LRRFIP1: variants seen among roughly 807,000 people sequenced by gnomAD.
LRRFIP1 encodes the protein leucine-rich repeat flightless-interacting protein 1.
In LRRFIP1, 62 loss-of-function variants were observed where a neutral mutation model predicts 104.4. That is an observed-to-expected ratio of 0.59 (90% CI 0.48 to 0.73). LRRFIP1 has a LOEUF of 0.73. Among genes scored for constraint, LRRFIP1 ranks in the 30% least tolerant of loss-of-function variants. The pLI is 0.00. For missense variants in LRRFIP1, 796 were observed against 824.5 expected (o/e 0.97, Z 0.42); for synonymous variants, 300 against 299.0 (o/e 1.00, Z -0.03).
At chr2:237,736,157 A>T (rs1184505649) in intron 10 of LRRFIP1, among the ~76,000 whole-genome samples, 1 of 152,214 alleles carries the variant, frequency 6.6e-6, no homozygotes, top group Non-Finnish European at 1.5e-5. Context: ...GCCATCATGG[A>T]TATTCATGAA....
intron 1 of LRRFIP1, chr2:237,684,608 A>G (rs1011018944): frequency 6.6e-6 from 1 of 152,216 alleles, no homozygotes; most frequent in Non-Finnish European, 1.5e-5. Flanking sequence ...GTCAGCATCT[A>G]TTCTGAACAT....
intron 20 of LRRFIP1, 82 bp from the exon 21 acceptor site, chr2:237,771,999 C>A: frequency 1.1e-6 from 1 of 931,624 alleles, no homozygotes; most frequent in Middle Eastern, 2.1e-4. Context: ...ATGCTGCTTC[C>A]TTTCTGATGG....
intron 1 of LRRFIP1, among the ~76,000 whole-genome samples, chr2:237,708,225 C>T (rs993368012): frequency 1.3e-5 from 2 of 152,216 alleles, no homozygotes; most frequent in Admixed American, 6.5e-5. Context: ...CCTCTCTGTG[C>T]CTTCGTTCCC....
rs556106909 is a variant in LRRFIP1, at chr2:237,703,556, C to T, written c.97-4988C>T. ...ACTCCTTGTCACCAGCTCCTGGTCG[C>T]AGCCACCCCGGCTCTGCTTGTCCTG... On this transcript the variant is annotated intron_variant, in intron 1 of 23. Transcript: ENST00000308482. This position sits in a 1 kb window ranked among gnomAD's most constrained non-coding sequence, Gnocchi z 4.3. Among the ~76,000 whole-genome samples the T allele has an allele frequency of 2.0e-5, 3 of 152,188 alleles. No homozygotes were observed. Among genetic ancestry groups the T allele is most frequent in the South Asian group, 2.1e-4 (1 of 4,808 alleles).
At chr2:237,666,740 G>A (rs72981057) in intron 1 of LRRFIP1, among the ~76,000 whole-genome samples, 22 of 149,824 alleles carry the variant, frequency 1.5e-4, no homozygotes, top group South Asian at 4.2e-4. Context: ...TTGTTCTTTC[G>A]TTCTTTCATT....
At chr2:237,713,707 C>G (rs1410690284) in intron 2 of LRRFIP1, among the ~76,000 whole-genome samples, 1 of 152,192 alleles carries the variant, frequency 6.6e-6, no homozygotes, top group African/African-American at 2.4e-5. Flanking sequence ...AAAGAAACCT[C>G]TGAAGCAAAC....
At chr2:237,689,363 G>T (rs545483293) in intron 1 of LRRFIP1, among the ~76,000 whole-genome samples, 38 of 152,294 alleles carry the variant, frequency 2.5e-4, no homozygotes, top group African/African-American at 8.9e-4. Flanking sequence ...CACCTCACAG[G>T]ACTGGCTGGG....
chr2:237,778,952 G>A (rs1387676205), intron 23 of LRRFIP1, among the ~76,000 whole-genome samples: 3 of 147,476 alleles, frequency 2.0e-5, no homozygotes, highest in African/African-American at 7.5e-5. Flanking sequence ...GGCCGAGCGT[G>A]GTGGCTCATG....
chr2:237,766,551 G>A lies in LRRFIP1; in HGVS notation c.1460-3392G>A, dbSNP rs79208856. ...TCACCAGCACCCTGCAGGACGTTGGGCACACATCACATCCCTCAGCTCAGC... is the reference window on the plus strand; with the variant it reads ...TCACCAGCACCCTGCAGGACGTTGGACACACATCACATCCCTCAGCTCAGC... On this transcript the variant is annotated intron_variant, in intron 19 of 23. Coordinates refer to ENST00000308482, the MANE Select transcript of LRRFIP1 (RefSeq NM_001137550.2). The surrounding 1 kb of genome is among the most constrained non-coding windows in gnomAD (Gnocchi z 4.8). Among the ~76,000 whole-genome samples the A allele has an allele frequency of 2.8e-3, 425 of 152,186 alleles. 1 individual carries two copies. Among genetic ancestry groups the A allele is most frequent in the Non-Finnish European group, 4.2e-3 (283 of 67,996 alleles).
chr2:237,650,186 G>A (rs999674223), intron 1 of LRRFIP1, among the ~76,000 whole-genome samples: 3 of 152,004 alleles, frequency 2.0e-5, no homozygotes, highest in Non-Finnish European at 2.9e-5. Context: ...GCCAGAGGAG[G>A]GCTCCTGGGA....
chr2:237,712,620 C>T (rs997656790), intron 2 of LRRFIP1, among the ~76,000 whole-genome samples: 9 of 152,170 alleles, frequency 5.9e-5, no homozygotes, highest in East Asian at 1.9e-4. Flanking sequence ...TGTGTGCGCA[C>T]GCATTCGTGT....
intron 1 of LRRFIP1, among the ~76,000 whole-genome samples, chr2:237,693,751 A>G (rs2092974598): frequency 6.6e-6 from 1 of 152,184 alleles, no homozygotes; most frequent in African/African-American, 2.4e-5. Flanking sequence ...TGCTGGACTT[A>G]GAGTCCTTGG....
At chr2:237,666,779 G>T (rs28655784) in intron 1 of LRRFIP1, among the ~76,000 whole-genome samples, 25 of 144,870 alleles carry the variant, frequency 1.7e-4, no homozygotes, top group South Asian at 6.5e-4. Flanking sequence ...CTTTCTCTCT[G>T]TCTCTTTCTT....
chr2:237,660,261 C>T (rs983902625), intron 1 of LRRFIP1, among the ~76,000 whole-genome samples: 16 of 152,186 alleles, frequency 1.1e-4, no homozygotes. Context: ...CCAAACTTCA[C>T]ACATATTAGA....
chr2:237,741,950 T>C (rs11689363), intron 11 of LRRFIP1, among the ~76,000 whole-genome samples: 7,405 of 152,322 alleles, frequency 0.049, 200 homozygotes, highest in Middle Eastern at 0.13. Context: ...CTGTACCCTC[T>C]GCCTGGTTCC....
rs1016959473 is a variant in LRRFIP1, at chr2:237,628,553, G to A, written c.96+813G>A. ...GGGAAAAGGGGAGCCAATAGGTTGC[G>A]GCCCCAGGGGGACAAAGGAAGCTTA... On this transcript the variant is annotated intron_variant, in intron 1 of 23. Coordinates refer to ENST00000308482, the MANE Select transcript of LRRFIP1 (RefSeq NM_001137550.2). Among the ~76,000 whole-genome samples, 4 of 152,284 alleles carry A rather than the reference G, an allele frequency of 2.6e-5. No homozygotes were observed. In the East Asian group the frequency reaches 5.8e-4, roughly 22 times the overall value.
chr2:237,761,031 T>C (rs890253164), intron 19 of LRRFIP1, among the ~76,000 whole-genome samples: 1 of 152,236 alleles, frequency 6.6e-6, no homozygotes, highest in African/African-American at 2.4e-5. Context: ...CCCTCTGCGT[T>C]CCAGTGTTTT....
intron 1 of LRRFIP1, among the ~76,000 whole-genome samples, chr2:237,657,451 A>C (rs2087012984): frequency 1.3e-5 from 2 of 152,228 alleles, no homozygotes; most frequent in Non-Finnish European, 2.9e-5. Flanking sequence ...TCGTGTTTTC[A>C]GATGGCCATG....
At chr2:237,643,412 C>T (rs1396259874) in intron 1 of LRRFIP1, among the ~76,000 whole-genome samples, 3 of 152,252 alleles carry the variant, frequency 2.0e-5, no homozygotes, top group South Asian at 2.1e-4. Flanking sequence ...CTTCGGTAGA[C>T]GGATGCCGTT....
Sources: allele counts gnomAD v4.1 joint callset (sites outside exome capture counted in the v4.1 genomes callset), GRCh38; gene constraint gnomAD v4.1.1; non-coding constraint Gnocchi (gnomAD v3.1); transcripts MANE v1.5; gene names NCBI Gene and HGNC (gene_info 2026-07-23, HGNC 2026-07-21).